The following THRAP3 variants were observed in gnomAD, a reference collection of about 807,000 sequenced individuals.
The protein encoded by THRAP3 is thyroid hormone receptor associated protein 3.
In THRAP3, 16 loss-of-function variants were observed where a neutral mutation model predicts 101.0. The ratio of observed to expected loss-of-function variants is 0.16; its 90% CI spans 0.11 to 0.24. The LOEUF is 0.24. Among genes scored for constraint, THRAP3 ranks in the 10% least tolerant of loss-of-function variants. The pLI, the probability that THRAP3 is intolerant of heterozygous loss-of-function variation, is 1.00. For missense variants in THRAP3, 989 were observed against 1,202.7 expected (o/e 0.82, Z 2.63); for synonymous variants, 407 against 422.6 (o/e 0.96, Z 0.45).
chr1:36,286,806 T>A lies in THRAP3; in HGVS notation c.576T>A (p.Ala192=), dbSNP rs778411554. 1 of 1,614,214 alleles carries A rather than the reference T, an allele frequency of 6.2e-7. No individual in the cohort carries two copies. Among genetic ancestry groups the A allele is most frequent in the Non-Finnish European group, 8.5e-7 (1 of 1,180,036 alleles). Residue 192 remains alanine, a synonymous_variant, in exon 4 of 12, where the codon GCT becomes GCA. Coordinates refer to ENST00000354618, the MANE Select transcript of THRAP3 (RefSeq NM_005119.4). This position sits in a 1 kb window ranked among gnomAD's most constrained non-coding sequence, Gnocchi z 5.5. ...CTAAGGATAGCCGGCCATCTCAGGC[T>A]GCCGGGGATAACCAGGGAGATGAGG... ...SSSKDSRPSQ[A]AGDNQGDEAK... is the part of the protein sequence containing the mutation.
chr1:36,267,025 T>G (rs1345813193), intron 2 of THRAP3, among the ~76,000 whole-genome samples: 1 of 152,084 alleles, frequency 6.6e-6, no homozygotes, highest in Non-Finnish European at 1.5e-5. Context: ...GGATTACATT[T>G]GCATGCCAAC....
At chr1:36,277,932 G>A (rs1390799520) in intron 2 of THRAP3, among the ~76,000 whole-genome samples, 1 of 151,556 alleles carries the variant, frequency 6.6e-6, no homozygotes, top group African/African-American at 2.4e-5. Context: ...GCTAATTTTA[G>A]TATTTTTTTT....
At chr1:36,293,523 A>G (rs191688386) in intron 7 of THRAP3, among the ~76,000 whole-genome samples, 15 of 152,206 alleles carry the variant, frequency 9.9e-5, no homozygotes, top group African/African-American at 3.6e-4. Context: ...GTGGATAGGG[A>G]CTAGAAACAA....
At chr1:36,282,762 A>G (rs1477526220) in intron 3 of THRAP3, 62 bp downstream of exon 3, 1 of 1,594,382 alleles carries the variant, frequency 6.3e-7, no homozygotes, top group Admixed American at 1.7e-5. Context: ...GGATGTTTGA[A>G]GATCTTTTGT....
intron 10 of THRAP3, among the ~76,000 whole-genome samples, 186 bp from the exon 11 acceptor site, chr1:36,301,367 G>A (rs1242936274): frequency 6.6e-6 from 1 of 152,192 alleles, no homozygotes; most frequent in Non-Finnish European, 1.5e-5. Flanking sequence ...GGGCAGGTTT[G>A]TCCTCTGTGT....
the THRAP3 span, among the ~76,000 whole-genome samples, chr1:36,218,536 G>T: frequency 6.7e-6 from 1 of 149,358 alleles, no homozygotes; most frequent in East Asian, 2.0e-4. Flanking sequence ...CTAACACAGT[G>T]AAACCCTGTC....
chr1:36,254,231 A>C (rs1645345381), intron 1 of THRAP3, among the ~76,000 whole-genome samples: 1 of 152,188 alleles, frequency 6.6e-6, no homozygotes, highest in East Asian at 1.9e-4. Context: ...AACGTTTGCC[A>C]GTTTTTCCAA....
At chr1:36,279,931 T>C (rs979957860) in intron 2 of THRAP3, among the ~76,000 whole-genome samples, 3 of 152,242 alleles carry the variant, frequency 2.0e-5, no homozygotes, top group African/African-American at 7.2e-5. Context: ...ATAAGTTCGT[T>C]AGTACCCCTT....
chr1:36,299,198 T>C (rs1163168079), intron 9 of THRAP3, among the ~76,000 whole-genome samples: 2 of 151,990 alleles, frequency 1.3e-5, no homozygotes, highest in African/African-American at 2.4e-5. Context: ...CCCAGCACTT[T>C]GGGAGGCTGA....
chr1:36,264,199 A>T (rs1645484344), intron 2 of THRAP3, among the ~76,000 whole-genome samples: 1 of 152,212 alleles, frequency 6.6e-6, no homozygotes, highest in African/African-American at 2.4e-5. Flanking sequence ...AATAAATAGC[A>T]AGAAAATAGA....
upstream of THRAP3, among the ~76,000 whole-genome samples, chr1:36,220,972 A>AAAAAAAAAAAATATAT (rs1285765741): frequency 6.4e-5 from 6 of 94,124 alleles, no homozygotes; most frequent in African/African-American, 2.8e-4. Flanking sequence ...AAAAAAAAAA[A>AAAAAAAAAAAATATAT]ATATATATAT....
At position 36,286,627 on chromosome 1, in the gene THRAP3, A is replaced by T; in HGVS notation, c.397A>T (p.Arg133Trp). ...GRSRSRSPKR[R>W]SPSPRSRSHS... Reference sequence around the variant, plus strand: ...TTCAAGATCCCGGTCCCCAAAGAGAAGGTCCCCTTCACCAAGGTCCAGGAG... The same window carrying T: ...TTCAAGATCCCGGTCCCCAAAGAGATGGTCCCCTTCACCAAGGTCCAGGAG... The change falls in exon 4 of 12, where the codon AGG (arginine) becomes TGG (tryptophan). Residue 133 changes from arginine to tryptophan, a missense_variant. Arg to Trp is a moderately radical substitution (Grantham distance 101, BLOSUM62 -3). Coordinates refer to ENST00000354618, the MANE Select transcript of THRAP3 (RefSeq NM_005119.4). The surrounding 1 kb of genome is among the most constrained non-coding windows in gnomAD (Gnocchi z 5.5). 6.2e-7 allele frequency: 1 copy of T among 1,614,190 alleles called. No individual in the cohort carries two copies. Among genetic ancestry groups the T allele is most frequent in the Non-Finnish European group, 8.5e-7 (1 of 1,180,022 alleles).
intron 1 of THRAP3, among the ~76,000 whole-genome samples, chr1:36,256,520 C>T (rs1645378086): frequency 6.6e-6 from 1 of 151,924 alleles, no homozygotes; most frequent in Non-Finnish European, 1.5e-5. Context: ...CCACTGCGCC[C>T]GACCCTGCCT....
chr1:36,215,885 G>A, the THRAP3 span, among the ~76,000 whole-genome samples: 1 of 152,084 alleles, frequency 6.6e-6, no homozygotes, highest in South Asian at 2.1e-4. Flanking sequence ...GAGTAGCTGG[G>A]ATTACAGGTG....
chr1:36,289,500 C>G lies in THRAP3; in HGVS notation c.1481C>G (p.Ser494Cys). 3.1e-6 allele frequency: 5 copies of G among 1,614,044 alleles called. No homozygotes were observed. The highest frequency in any genetic ancestry group is 3.3e-4 in the Middle Eastern group (2 of 6,080). ...AAAACAGAGGAGCTGGAGGAGGAGT[C>G]TTTCCCAGAGAGATCCAAAAAGGAA... ...QRKTEELEEE[S>C]FPERSKKEDR... Residue 494 changes from serine (S) to cysteine (C), a missense_variant, in exon 5 of 12, where the codon TCT becomes TGT. By Grantham distance (112) the Ser-to-Cys change is moderately radical (BLOSUM62 -1). Transcript: ENST00000354618.
chr1:36,253,773 T>TTTTTTTTTTTTTTTTTTTTTTAG (rs1645339036), intron 1 of THRAP3, among the ~76,000 whole-genome samples: 1 of 145,974 alleles, frequency 6.9e-6, no homozygotes, highest in African/African-American at 2.5e-5. Flanking sequence ...TTTTTTTTTT[T>TTTTTTTTTTTTTTTTTTTTTTAG]TTTTTTAGTT....
intron 1 of THRAP3, among the ~76,000 whole-genome samples, chr1:36,229,777 C>G (rs937716816): frequency 1.3e-5 from 2 of 151,806 alleles, no homozygotes; most frequent in Admixed American, 6.6e-5. Flanking sequence ...CTCAGCCTCC[C>G]GAGAAGCTGG....
rs1337224077 is a variant in THRAP3 at position 36,301,074 on chromosome 1, G to A, written c.2492G>A (p.Arg831Gln). 5.6e-6 allele frequency: 9 copies of A among 1,613,946 alleles called. No individual in the cohort carries two copies. The highest frequency in any genetic ancestry group is 2.2e-5 in the East Asian group (1 of 44,900). ...AGTGAAAGAGGAGGTGGCAGAGCTC[G>A]AGGAACCTTTGTAAGACCTTCCCCT... ...GPSERGGGRA[R>Q]GTFQFRARGR... The change falls in exon 10 of 12, where the codon CGA (arginine) becomes CAA (glutamine). Residue 831 changes from arginine to glutamine, a missense_variant. By Grantham distance (43) the Arg-to-Gln change is conservative. Transcript: ENST00000354618.
intron 1 of THRAP3, among the ~76,000 whole-genome samples, chr1:36,249,060 G>A (rs896762478): frequency 6.6e-6 from 1 of 151,580 alleles, no homozygotes. Flanking sequence ...GCTAGTTTTT[G>A]TATTTTTAGT....
Sources: allele counts gnomAD v4.1 joint callset (sites outside exome capture counted in the v4.1 genomes callset), GRCh38; gene constraint gnomAD v4.1.1; non-coding constraint Gnocchi (gnomAD v3.1); transcripts MANE v1.5; gene names NCBI Gene and HGNC (gene_info 2026-07-23, HGNC 2026-07-21).